TBL1X: variants seen among roughly 807,000 people sequenced by gnomAD.
TBL1X encodes the protein transducin beta like 1 X-linked, also known as F-box-like/WD repeat-containing protein TBL1X.
TBL1X carries 10 observed loss-of-function variants against 50.7 expected under a neutral mutation model. That is an observed-to-expected ratio of 0.20 (90% CI 0.12 to 0.33). The LOEUF (loss-of-function observed/expected upper bound fraction) is 0.33. Ranked by LOEUF, TBL1X falls within the 10% of genes least tolerant of loss-of-function variation. The pLI is 1.00. For synonymous variants in TBL1X, 190 were observed against 214.7 expected, an observed-to-expected ratio of 0.88 and a Z score of 1.01; for missense variants, 340 against 504.4, an observed-to-expected ratio of 0.67 and a Z score of 3.12.
At chrX:9,664,991 C>G (rs2082918912) in intron 5 of TBL1X, among the ~76,000 whole-genome samples, 1 of 110,888 alleles carries the variant, frequency 9.0e-6, no homozygotes, top group South Asian at 3.9e-4. Context: ...AGCACTGATT[C>G]ATATCCTTTA....
intron 2 of TBL1X, among the ~76,000 whole-genome samples, chrX:9,621,354 A>G (rs189596696): frequency 3.6e-4 from 40 of 112,097 alleles, no homozygotes; most frequent in African/African-American, 1.1e-3. Flanking sequence ...ACCTCCTTGC[A>G]TTTTCACAGG....
intron 12 of TBL1X, among the ~76,000 whole-genome samples, chrX:9,699,105 C>T (rs1483450783): frequency 9.0e-6 from 1 of 111,652 alleles, no homozygotes; most frequent in Non-Finnish European, 1.9e-5. Flanking sequence ...CTCAGCCTCC[C>T]GAGTAGCTGG....
Position 9,526,155 on chromosome X carries a change from G to A in TBL1X, c.-131+24306G>A, listed in dbSNP as rs187652777. 4.3e-3 allele frequency among the ~76,000 whole-genome samples: 457 copies of A among 105,901 alleles called. 5 individuals carry two copies. The highest frequency in any genetic ancestry group is 0.015 in the African/African-American group (436 of 28,783). 92.0% of individuals were successfully genotyped at this position (105,901 alleles called of 115,157 possible). ...AGAGAGGAGAGACGGGCGGGGGAGG[G>A]GAGAGAGAGAGAAAAGAGAGAGAGA... On this transcript the variant is annotated intron_variant, in intron 2 of 17. Coordinates refer to ENST00000645353, the MANE Select transcript of TBL1X (RefSeq NM_005647.4).
chrX:9,500,510 C>T (rs1030856787), intron 1 of TBL1X, among the ~76,000 whole-genome samples: 8 of 111,311 alleles, frequency 7.2e-5, no homozygotes, highest in African/African-American at 1.6e-4. Flanking sequence ...GCAGGAGCAT[C>T]GCTCAAACCC....
At chrX:9,505,004 T>C (rs1422276646) in intron 2 of TBL1X, among the ~76,000 whole-genome samples, 1 of 111,127 alleles carries the variant, frequency 9.0e-6, no homozygotes, top group African/African-American at 3.3e-5. Context: ...CCAAGACACA[T>C]AATCATCAGA....
intron 2 of TBL1X, among the ~76,000 whole-genome samples, chrX:9,513,808 A>G (rs1211191608): frequency 1.8e-5 from 2 of 109,201 alleles, no homozygotes; most frequent in East Asian, 5.8e-4. Context: ...CAGGCTGTAC[A>G]GGCATGGTGC....
intron 2 of TBL1X, among the ~76,000 whole-genome samples, chrX:9,629,365 A>G (rs902086490): frequency 3.6e-5 from 4 of 112,291 alleles, no homozygotes; most frequent in African/African-American, 9.7e-5. Context: ...GATCCTTGCT[A>G]TTTGGCCCTT....
At chrX:9,534,141 A>G (rs1234021771) in intron 2 of TBL1X, among the ~76,000 whole-genome samples, 1 of 111,862 alleles carries the variant, frequency 8.9e-6, no homozygotes, top group Non-Finnish European at 1.9e-5. Flanking sequence ...AAGACTAGCC[A>G]GAGAGATGTG....
At chrX:9,666,610 A>G (rs1000880270) in intron 5 of TBL1X, among the ~76,000 whole-genome samples, 41 of 111,883 alleles carry the variant, frequency 3.7e-4, no homozygotes, top group African/African-American at 9.4e-4. Context: ...TAAGCCCATA[A>G]ACTGCTTCTG....
At chrX:9,545,774 A>G (rs191038815) in intron 2 of TBL1X, among the ~76,000 whole-genome samples, 26 of 110,891 alleles carry the variant, frequency 2.3e-4, no homozygotes, top group Non-Finnish European at 4.5e-4. Flanking sequence ...TAAACATATG[A>G]TGGTTTTATT....
intron 2 of TBL1X, among the ~76,000 whole-genome samples, chrX:9,539,636 G>T (rs766464645): frequency 5.7e-4 from 64 of 111,919 alleles, no homozygotes; most frequent in Non-Finnish European, 8.6e-4. Flanking sequence ...ATTGTTTATA[G>T]CACTTCTGGG....
At chrX:9,487,307 C>T (rs748564521) in intron 1 of TBL1X, among the ~76,000 whole-genome samples, 1 of 111,330 alleles carries the variant, frequency 9.0e-6, no homozygotes, top group African/African-American at 3.3e-5. Flanking sequence ...ACTGCCCCTT[C>T]CCCTTCTCCC....
intron 1 of TBL1X, among the ~76,000 whole-genome samples, chrX:9,496,408 G>A (rs781637398): frequency 1.3e-4 from 15 of 112,783 alleles, no homozygotes; most frequent in Non-Finnish European, 2.8e-4. Context: ...TTGCAACTCT[G>A]TCTTTCTGGA....
chrX:9,663,421 G>A lies in TBL1X; in HGVS notation c.211+9099G>A, dbSNP rs769902462. 2.7e-4 allele frequency among the ~76,000 whole-genome samples: 30 copies of A among 111,928 alleles called. 1 individual carries two copies. The South Asian group carries it at 0.011, about 40-fold the overall frequency. ...TGTGGGTAGGCACAGCAAGCTGGAG[G>A]AACCCCCAGAGAAATGTGCCGAGTA... On this transcript the variant is annotated intron_variant, in intron 5 of 17. Coordinates refer to ENST00000645353, the MANE Select transcript of TBL1X (RefSeq NM_005647.4).
intron 2 of TBL1X, among the ~76,000 whole-genome samples, chrX:9,544,298 C>T (rs1049479499): frequency 9.0e-6 from 1 of 111,476 alleles, no homozygotes; most frequent in Non-Finnish European, 1.9e-5. Flanking sequence ...AAGCGGGCTC[C>T]ACTGGAGATT....
intron 1 of TBL1X, among the ~76,000 whole-genome samples, chrX:9,497,783 TCC>T (rs2081979600): frequency 1.3e-5 from 1 of 76,968 alleles, no homozygotes; most frequent in African/African-American, 5.1e-5. Flanking sequence ...CCTCTCTCTC[TCC>T]CTCCCTCTCT....
intron 12 of TBL1X, among the ~76,000 whole-genome samples, chrX:9,701,375 G>A (rs976575113): frequency 7.3e-5 from 8 of 109,215 alleles, no homozygotes; most frequent in African/African-American, 2.0e-4. Context: ...CCCTCTTACC[G>A]GCCATTCACC....
At chrX:9,591,927 A>T (rs1199411579) in intron 2 of TBL1X, among the ~76,000 whole-genome samples, 1 of 112,355 alleles carries the variant, frequency 8.9e-6, no homozygotes, top group Non-Finnish European at 1.9e-5. Flanking sequence ...GCTGATTTTA[A>T]TGAAAGCCGT....
chrX:9,539,340 C>T (rs1340253429), intron 2 of TBL1X, among the ~76,000 whole-genome samples: 1 of 111,386 alleles, frequency 9.0e-6, no homozygotes, highest in African/African-American at 3.3e-5. Flanking sequence ...TTCCTGCTTG[C>T]TTTTCCTAAT....
Sources: gnomAD v4.1 joint callset for allele counts (sites outside exome capture counted in the v4.1 genomes callset) on GRCh38, gnomAD v4.1.1 for gene constraint, MANE v1.5 for transcripts, NCBI Gene and HGNC (gene_info 2026-07-23, HGNC 2026-07-21) for gene names.